Variants in ZFHX3 observed in about 807,000 individuals in gnomAD.
ZFHX3 encodes the protein zinc finger homeobox 3, also known as zinc finger homeobox protein 3.
A neutral mutation model predicts 279.1 loss-of-function variants in ZFHX3; 42 were observed. That is an observed-to-expected ratio of 0.15 (90% confidence interval 0.12 to 0.19). ZFHX3 has a LOEUF of 0.19. Among genes scored for constraint, ZFHX3 ranks in the 10% least tolerant of loss-of-function variants. The probability of loss-of-function intolerance (pLI) is 1.00; values close to 1 mark genes in which losing one functional copy is unlikely to be tolerated. For missense variants in ZFHX3, 4,981 were observed against 4,754.0 expected, an observed-to-expected ratio of 1.05 and a Z score of -1.40; for synonymous variants, 2,293 against 1,957.8, an observed-to-expected ratio of 1.17 and a Z score of -4.52.
At chr16:73,363,356 C>T (rs145340836) in intron 3 of ZFHX3, among the ~76,000 whole-genome samples, 11 of 152,184 alleles carry the variant, frequency 7.2e-5, no homozygotes, top group South Asian at 2.1e-4. Context: ...ATTTTAAAAA[C>T]GATTCCAAAT....
At chr16:72,948,306 G>A (rs957783307) in intron 3 of ZFHX3, among the ~76,000 whole-genome samples, 3 of 152,146 alleles carry the variant, frequency 2.0e-5, no homozygotes, top group Non-Finnish European at 4.4e-5. Flanking sequence ...TTCAGGTGCT[G>A]GGTCCACGTT....
intron 8 of ZFHX3, among the ~76,000 whole-genome samples, chr16:73,067,206 A>C (rs777638920): frequency 1.1e-4 from 16 of 152,178 alleles, no homozygotes; most frequent in Non-Finnish European, 2.1e-4. Context: ...GGAAGAAAAA[A>C]GAAAGCGGGC....
At chr16:73,116,201 A>C (rs1049278874) in intron 7 of ZFHX3, among the ~76,000 whole-genome samples, 38 of 151,962 alleles carry the variant, frequency 2.5e-4, no homozygotes, top group Admixed American at 2.4e-3. Flanking sequence ...GGGTCTTGAA[A>C]ACTGTTCCTA....
At chr16:72,856,986 C>T (rs536276119) in intron 4 of ZFHX3, among the ~76,000 whole-genome samples, 63 of 152,322 alleles carry the variant, frequency 4.1e-4, no homozygotes, top group Non-Finnish European at 6.0e-4. Context: ...ACACTGACAC[C>T]CGCAGGTGAT....
chr16:73,526,314 C>A (rs190298809), intron 2 of ZFHX3, among the ~76,000 whole-genome samples: 2 of 152,270 alleles, frequency 1.3e-5, no homozygotes, highest in East Asian at 3.9e-4. Flanking sequence ...AGGGCCAGTG[C>A]GCTCTAGCAA....
intron 2 of ZFHX3, among the ~76,000 whole-genome samples, chr16:73,599,893 G>C (rs1287569873): frequency 6.6e-6 from 1 of 152,174 alleles, no homozygotes; most frequent in Non-Finnish European, 1.5e-5. Flanking sequence ...CTGTTGATTA[G>C]ATAGATGGTT....
At chr16:73,403,991 T>C (rs946368852) in intron 3 of ZFHX3, among the ~76,000 whole-genome samples, 28 of 152,112 alleles carry the variant, frequency 1.8e-4, no homozygotes, top group African/African-American at 6.3e-4. Context: ...GTGGGGAATT[T>C]TAAGGGTAGG....
Position 72,796,181 on chromosome 16 carries a change from G to A in ZFHX3, c.6501C>T (p.Asn2167=), listed in dbSNP as rs367687288. 5.4e-5 allele frequency: 87 copies of A among 1,614,008 alleles called. No individual in the cohort carries two copies. The highest frequency in any genetic ancestry group is 7.1e-5 in the Non-Finnish European group (84 of 1,180,036). ...TTATTTGCTCTTCACTGGGGGAGTT[G>A]TTAATGTCAAAATATTGCCGCAAGA... ...LRVLRQYFDI[N]NSPSEEQIKE... The change falls in exon 9 of 10, where the codon AAC becomes AAT. Residue 2167 remains asparagine, a synonymous_variant. Transcript: ENST00000268489.
At chr16:73,525,662 A>G (rs1472739771) in intron 2 of ZFHX3, among the ~76,000 whole-genome samples, 3 of 152,182 alleles carry the variant, frequency 2.0e-5, no homozygotes, top group Non-Finnish European at 4.4e-5. Context: ...AGGTAAAAGG[A>G]TGGAAGTCCC....
intron 7 of ZFHX3, among the ~76,000 whole-genome samples, chr16:72,806,695 C>T (rs559750827): frequency 2.0e-5 from 3 of 152,122 alleles, no homozygotes; most frequent in African/African-American, 4.8e-5. Context: ...GAGTCACAGA[C>T]GCTGACGGAA....
intron 5 of ZFHX3, among the ~76,000 whole-genome samples, chr16:73,235,195 G>A (rs2012904812): frequency 6.6e-6 from 1 of 152,036 alleles, no homozygotes; most frequent in African/African-American, 2.4e-5. Context: ...TCAGCCTCCT[G>A]AGTAGCTGGG....
intron 3 of ZFHX3, among the ~76,000 whole-genome samples, chr16:73,374,570 C>T (rs936989192): frequency 1.3e-5 from 2 of 152,180 alleles, no homozygotes; most frequent in African/African-American, 2.4e-5. Context: ...TTAATGTCAT[C>T]GAACATCCAG....
intron 1 of ZFHX3, among the ~76,000 whole-genome samples, chr16:73,694,069 T>A (rs968194753): frequency 6.6e-6 from 1 of 150,754 alleles, no homozygotes. Flanking sequence ...ATGCCTGTAA[T>A]CCCAGCACCT....
intron 2 of ZFHX3, among the ~76,000 whole-genome samples, chr16:73,533,577 G>T (rs12925509): frequency 5.9e-5 from 9 of 151,712 alleles, no homozygotes; most frequent in African/African-American, 2.2e-4. Context: ...GCCTAGCTCA[G>T]ACGTCCCTTC....
rs191250371 is a variant in ZFHX3 at position 73,488,519 on chromosome 16, G to A, written c.-1546-32261C>T. Among the ~76,000 whole-genome samples the A allele has an allele frequency of 2.6e-3, 390 of 152,282 alleles. 4 individuals are homozygous for A. The highest frequency in any genetic ancestry group is 8.9e-3 in the African/African-American group (368 of 41,558). On this transcript the variant is annotated intron_variant, in intron 2 of 17. Transcript: ENST00000641206. ...ATAGGTGGTGGTATTGACACGGATG[G>A]AAACAACTGGCAGATCTCAATGGCT... is the stretch of plus-strand genomic sequence containing the variant.
rs759488331 is a variant in ZFHX3 at position 72,788,396 on chromosome 16, CGGCCTGCAG to C, written c.9871_9879del (p.Leu3291_Ala3293del). ...AATGCTGTGGGGTCCGAAGTCAACG[CGGCCTGCAG>C]GGCCTGCAGCTGTGCAGGGTCTACC... is the stretch of plus-strand genomic sequence containing the variant. On this transcript the variant is annotated inframe_deletion, in exon 10 of 10. Transcript: ENST00000268489. The C allele has an allele frequency of 1.6e-5, 26 of 1,614,052 alleles. No homozygotes were observed. Among genetic ancestry groups the C allele is most frequent in the Admixed American group, 6.7e-5 (4 of 60,000 alleles).
At chr16:73,321,845 A>AGAC (rs1399051143) in intron 3 of ZFHX3, among the ~76,000 whole-genome samples, 2 of 125,036 alleles carry the variant, frequency 1.6e-5, no homozygotes, top group Non-Finnish European at 3.9e-5. Context: ...TGTAGAGAAA[A>AGAC]AGACAGAGAG....
At chr16:73,548,284 T>C (rs920577272) in intron 2 of ZFHX3, among the ~76,000 whole-genome samples, 7 of 152,234 alleles carry the variant, frequency 4.6e-5, no homozygotes, top group Non-Finnish European at 8.8e-5. Flanking sequence ...ACGGCTGTGA[T>C]ATTCCTTTGA....
chr16:73,532,978 A>G (rs1350144129), intron 2 of ZFHX3, among the ~76,000 whole-genome samples: 1 of 152,202 alleles, frequency 6.6e-6, no homozygotes, highest in African/African-American at 2.4e-5. Flanking sequence ...GCCATGTGGA[A>G]CTGTCAGTCA....
Sources: gnomAD v4.1 joint callset for allele counts (sites outside exome capture counted in the v4.1 genomes callset) on GRCh38, gnomAD v4.1.1 for gene constraint, MANE v1.5 for transcripts, NCBI Gene and HGNC (gene_info 2026-07-23, HGNC 2026-07-21) for gene names.